The following SCN9A variants were observed in gnomAD, a reference collection of about 807,000 sequenced individuals.
The protein encoded by SCN9A is sodium channel protein type 9 subunit alpha.
In SCN9A, 131 loss-of-function variants were observed where a neutral mutation model predicts 187.0. The observed-to-expected ratio is 0.70, with a 90% CI of 0.61 to 0.81. The LOEUF (loss-of-function observed/expected upper bound fraction) is 0.81. Ranked by LOEUF, SCN9A falls within the 30% of genes least tolerant of loss-of-function variation. SCN9A has a pLI of 0.00. For synonymous variants in SCN9A, 809 were observed against 808.6 expected (o/e 1.00, Z -0.01); for missense variants, 2,252 against 2,396.6 (o/e 0.94, Z 1.26).
chr2:166,357,337 A>G (rs1012788582), intron 1 of SCN9A, among the ~76,000 whole-genome samples: 7 of 152,098 alleles, frequency 4.6e-5, no homozygotes, highest in Non-Finnish European at 1.0e-4. Context: ...CTCTTTTGTT[A>G]CCTAGTGTAA....
chr2:166,272,780 A>T lies in SCN9A; in HGVS notation c.2970T>A (p.Ile990=). The T allele has an allele frequency of 6.5e-7, 1 of 1,529,448 alleles. No homozygotes were observed. Among genetic ancestry groups the T allele is most frequent in the Non-Finnish European group, 8.8e-7 (1 of 1,142,796 alleles). The allele number at this position is 1,529,448 out of a possible 1,614,324, so 94.7% of individuals were successfully genotyped here. A position where few individuals can be genotyped will look rare whatever the true frequency, so the allele number is the denominator to read the frequency against. ...EEDPDANNLQ[I]AVTRIKKGIN... ...TTCCCTTTTTAATTCTAGTCACTGC[A>T]ATCTGGAGGTTGTTTGCATCAGGGT... is the stretch of plus-strand genomic sequence containing the variant. Residue 990 remains isoleucine, a synonymous_variant, in exon 17 of 27, where the codon ATT becomes ATA. Transcript: ENST00000642356.
intron 1 of SCN9A, among the ~76,000 whole-genome samples, chr2:166,370,226 A>C (rs55945526): frequency 0.61 from 79,404 of 130,050 alleles, 22,985 homozygotes; most frequent in Admixed American, 0.69. Context: ...TAATAATAAT[A>C]ATAATAATAA....
intron 17 of SCN9A, among the ~76,000 whole-genome samples, chr2:166,268,433 G>A (rs1314015024): frequency 1.6e-4 from 24 of 151,660 alleles, no homozygotes; most frequent in African/African-American, 9.7e-5. Context: ...TCTCAGATAC[G>A]AAAAAAATAA....
At chr2:166,220,038 A>G (rs1217608607) in intron 24 of SCN9A, among the ~76,000 whole-genome samples, 3 of 152,190 alleles carry the variant, frequency 2.0e-5, no homozygotes, top group Non-Finnish European at 2.9e-5. Context: ...ATATTAGCAA[A>G]CTGAATGCAA....
At position 166,196,982 on chromosome 2, in the gene SCN9A, T is replaced by C. The variant is rs768732014; in HGVS notation, c.*1690A>G. The C allele has an allele frequency of 1.3e-5, 2 of 152,122 alleles. No homozygotes were observed. Among genetic ancestry groups the C allele is most frequent in the Non-Finnish European group, 2.9e-5 (2 of 67,982 alleles). The allele number at this position is 152,122 out of a possible 1,614,324, so 9.4% of individuals were successfully genotyped here. The stretch of plus-strand genomic sequence containing the variant: ...AACCATAAATCTTTGTTTCTATAGG[T>C]ACGTTTAAATCCTCTTTCTTTTTAA... On this transcript the variant is annotated 3_prime_UTR_variant, in exon 27 of 27. Transcript: ENST00000642356.
intron 17 of SCN9A, 103 bp downstream of exon 17, chr2:166,272,296 A>T: frequency 1.3e-6 from 1 of 755,974 alleles, no homozygotes; most frequent in Non-Finnish European, 2.1e-6. Context: ...ATCCATCACT[A>T]CATGCAATGT....
At chr2:166,254,157 C>T (rs1448158455) in intron 17 of SCN9A, among the ~76,000 whole-genome samples, 1 of 151,180 alleles carries the variant, frequency 6.6e-6, no homozygotes, top group Non-Finnish European at 1.5e-5. Context: ...CAGAATTTTA[C>T]ATCATAAAGT....
chr2:166,359,728 T>C (rs1050830903), intron 1 of SCN9A, among the ~76,000 whole-genome samples: 9 of 152,142 alleles, frequency 5.9e-5, no homozygotes, highest in African/African-American at 2.2e-4. Context: ...CAAAACAAAT[T>C]AAGCTGTATA....
intron 1 of SCN9A, among the ~76,000 whole-genome samples, chr2:166,367,612 C>CT (rs1267568867): frequency 6.6e-6 from 1 of 152,114 alleles, no homozygotes; most frequent in Admixed American, 6.6e-5. Context: ...CACCATTCCT[C>CT]TTTTTTCAAA....
intron 1 of SCN9A, among the ~76,000 whole-genome samples, chr2:166,353,756 C>T (rs1046429158): frequency 1.3e-5 from 2 of 152,138 alleles, no homozygotes; most frequent in African/African-American, 2.4e-5. Flanking sequence ...TTTGAGCTGC[C>T]AGCAGTCCCC....
chr2:166,272,156 G>A (rs1697020485), intron 17 of SCN9A, among the ~76,000 whole-genome samples: 2 of 152,012 alleles, frequency 1.3e-5, no homozygotes, highest in South Asian at 4.1e-4. Flanking sequence ...TGAAGCATGG[G>A]AAGGCTCAAA....
In SCN9A at chr2:166,311,555, GA is replaced by G; in HGVS notation, c.201del (p.Gly69AlafsTer21). 6.2e-7 allele frequency: 1 copy of G among 1,612,888 alleles called. No individual in the cohort carries two copies. On this transcript the variant is annotated frameshift_variant, in exon 2 of 27. Transcript: ENST00000642356. LOFTEE classifies it high-confidence loss of function. ...KQLPFIYGDI[P>X]PGMVSEPLED... ...TCCAGGGGCTCTGACACCATGCCGG[GA>G]GGAATGTCCCCATAGATGAAGGGCA...
At chr2:166,365,341 TTGTATAGAAA>T (rs1700389153) in intron 1 of SCN9A, among the ~76,000 whole-genome samples, 1 of 152,212 alleles carries the variant, frequency 6.6e-6, no homozygotes, top group Non-Finnish European at 1.5e-5. Flanking sequence ...AACATTATTT[TTGTATAGAAA>T]TTAGAAACTT....
At position 166,330,626 on chromosome 2, in the gene SCN9A, CAA is replaced by C. The variant is rs1408325810; in HGVS notation, c.-50-18822_-50-18821del. On this transcript the variant is annotated intron_variant, in intron 1 of 26. Coordinates refer to ENST00000642356, the MANE Select transcript of SCN9A (RefSeq NM_001365536.1). Reference sequence around the variant, plus strand: ...AACCAAGGACTGGTTTCATGGAAGACAATTTTTTCAGGGCAGCAGGGAAGGAG... The same window carrying C: ...AACCAAGGACTGGTTTCATGGAAGACTTTTTTCAGGGCAGCAGGGAAGGAG... Among the ~76,000 whole-genome samples the C allele has an allele frequency of 7.2e-5, 11 of 152,122 alleles. 1 individual carries two copies. Among genetic ancestry groups the C allele is most frequent in the African/African-American group, 2.2e-4 (9 of 41,436 alleles).
chr2:166,301,863 T>C (rs1698568287), intron 7 of SCN9A: 1 of 151,002 alleles, frequency 6.6e-6, no homozygotes, highest in Non-Finnish European at 1.5e-5. Context: ...ATATGCTAAA[T>C]TCCTCATCAA....
chr2:166,284,937 T>A, intron 11 of SCN9A, 113 bp from the exon 12 acceptor site: 2 of 1,120,076 alleles, frequency 1.8e-6, no homozygotes, highest in Non-Finnish European at 2.5e-6. Context: ...TGTACTGACT[T>A]AAAAGAAACA....
intron 11 of SCN9A, 97 bp downstream of exon 11, chr2:166,286,239 A>T: frequency 8.8e-7 from 1 of 1,136,166 alleles, no homozygotes; most frequent in Non-Finnish European, 1.2e-6. Flanking sequence ...CAATGAAATC[A>T]CTCACTATCC....
intron 1 of SCN9A, among the ~76,000 whole-genome samples, chr2:166,372,006 G>A (rs1700576032): frequency 6.6e-6 from 1 of 152,058 alleles, no homozygotes; most frequent in Non-Finnish European, 1.5e-5. Flanking sequence ...AATGTTAATA[G>A]CAAAACTAGT....
intron 1 of SCN9A, among the ~76,000 whole-genome samples, chr2:166,352,336 A>C (rs1469955439): frequency 2.0e-5 from 3 of 152,194 alleles, no homozygotes; most frequent in African/African-American, 4.8e-5. Context: ...ACAAGACCAG[A>C]AATAAAGCAT....
Sources: allele counts gnomAD v4.1 joint callset (sites outside exome capture counted in the v4.1 genomes callset), GRCh38; gene constraint gnomAD v4.1.1; transcripts MANE v1.5; gene names NCBI Gene and HGNC (gene_info 2026-07-23, HGNC 2026-07-21).